Variants in PTCD2 observed in about 807,000 individuals in gnomAD.
The protein encoded by PTCD2 is pentatricopeptide repeat domain 2.
In PTCD2, 31 loss-of-function variants were observed where a neutral mutation model predicts 42.6. The ratio of observed to expected loss-of-function variants is 0.73; its 90% CI spans 0.55 to 0.98. The LOEUF (loss-of-function observed/expected upper bound fraction) is 0.98. Ranked by LOEUF, PTCD2 falls within the 50% of genes least tolerant of loss-of-function variation. The pLI is 0.00. For missense variants in PTCD2, 476 were observed against 454.8 expected (o/e 1.05, Z -0.42); for synonymous variants, 183 against 170.9 (o/e 1.07, Z -0.55).
intron 6 of PTCD2, among the ~76,000 whole-genome samples, chr5:72,336,208 T>C (rs1751731724): frequency 6.6e-6 from 1 of 152,166 alleles, no homozygotes; most frequent in African/African-American, 2.4e-5. Context: ...CCTGTTGTCC[T>C]TGTCTATGGA....
chr5:72,351,028 T>C (rs1293777373), intron 8 of PTCD2, among the ~76,000 whole-genome samples: 1 of 152,224 alleles, frequency 6.6e-6, no homozygotes, highest in Admixed American at 6.5e-5. Context: ...TTTTCTAATA[T>C]TAATGCTATG....
At chr5:72,335,928 C>A in intron 6 of PTCD2, 43 bp downstream of exon 6, 1 of 1,178,922 alleles carries the variant, frequency 8.5e-7, no homozygotes, top group Non-Finnish European at 1.3e-6. Flanking sequence ...TGTGTGTAGT[C>A]TTTGAGAGAG....
chr5:72,338,964 G>T (rs1316861583), intron 7 of PTCD2, among the ~76,000 whole-genome samples: 1 of 152,188 alleles, frequency 6.6e-6, no homozygotes, highest in East Asian at 1.9e-4. Flanking sequence ...GAAGGGTAGA[G>T]AAATTTCTCA....
At chr5:72,337,901 A>G (rs563501294) in intron 6 of PTCD2, among the ~76,000 whole-genome samples, 1 of 152,240 alleles carries the variant, frequency 6.6e-6, no homozygotes, top group South Asian at 2.1e-4. Context: ...TGAGTTGAAA[A>G]AGTGATCTGG....
chr5:72,331,913 T>G (rs1047577858), intron 4 of PTCD2, among the ~76,000 whole-genome samples: 1 of 152,256 alleles, frequency 6.6e-6, no homozygotes, highest in African/African-American at 2.4e-5. Context: ...ATGTTTCATT[T>G]TATTTGTTTC....
intron 8 of PTCD2, among the ~76,000 whole-genome samples, chr5:72,345,662 A>G (rs559600916): frequency 2.0e-5 from 3 of 152,240 alleles, no homozygotes; most frequent in African/African-American, 4.8e-5. Flanking sequence ...TTCTTCTGCC[A>G]TGGCTTCAGC....
At chr5:72,322,352 CTT>C in intron 2 of PTCD2, 88 bp downstream of exon 2, 1 of 789,648 alleles carries the variant, frequency 1.3e-6, no homozygotes, top group Non-Finnish European at 2.2e-6. Context: ...CCTTCAGTGA[CTT>C]TATTATGCCT....
intron 5 of PTCD2, among the ~76,000 whole-genome samples, 180 bp downstream of exon 5, chr5:72,335,276 C>T (rs1215555227): frequency 2.0e-5 from 3 of 151,812 alleles, no homozygotes; most frequent in Admixed American, 6.6e-5. Context: ...GGTGAAACCC[C>T]GTCTCTACTA....
At chr5:72,354,278 G>A (rs1432093147) in intron 9 of PTCD2, among the ~76,000 whole-genome samples, 1 of 144,302 alleles carries the variant, frequency 6.9e-6, no homozygotes, top group Non-Finnish European at 1.5e-5. Context: ...GTGCATGCCT[G>A]TAGTCCCAGG....
rs1347317590 is a variant in PTCD2 at position 72,366,445 on chromosome 5, T to G, written c.*8018T>G. ...GATGCTGGAGGTCATGTTTTTAACC[T>G]TATCTCTGTATTGCCTGCCCAAGTG... On this transcript the variant is annotated 3_prime_UTR_variant, in exon 10 of 10. Transcript: ENST00000380639. The G allele has an allele frequency of 1.3e-5, 2 of 152,222 alleles. No homozygotes were observed. Among genetic ancestry groups the G allele is most frequent in the Non-Finnish European group, 1.5e-5 (1 of 68,058 alleles). 9.4% of individuals were successfully genotyped at this position (152,222 alleles called of 1,614,324 possible).
intron 8 of PTCD2, among the ~76,000 whole-genome samples, chr5:72,351,433 TC>T (rs962725503): frequency 2.6e-5 from 4 of 152,162 alleles, no homozygotes; most frequent in African/African-American, 9.7e-5. Flanking sequence ...GCCTGCAACT[TC>T]CTAAAAACAG....
intron 8 of PTCD2, among the ~76,000 whole-genome samples, chr5:72,344,656 A>C (rs1387611824): frequency 6.6e-6 from 1 of 152,202 alleles, no homozygotes; most frequent in Non-Finnish European, 1.5e-5. Flanking sequence ...ATAGTCACGT[A>C]GGTTCTTTTC....
intron 3 of PTCD2, 25 bp from the exon 4 acceptor site, chr5:72,331,233 C>T: frequency 6.9e-7 from 1 of 1,452,386 alleles, no homozygotes; most frequent in South Asian, 1.1e-5. Flanking sequence ...TACCTTTTGG[C>T]TCATTGAATC....
In PTCD2 at chr5:72,366,890, T is replaced by C. The variant is rs921206808; in HGVS notation, c.*8463T>C. ...GAGAAAACATACACTCAGTTTCTTA[T>C]GAAAGAAAAAGGATGGTCATTTGTC... On this transcript the variant is annotated 3_prime_UTR_variant, in exon 10 of 10. Transcript: ENST00000380639. 2 of 152,218 alleles carry C rather than the reference T, an allele frequency of 1.3e-5. No individual in the cohort carries two copies. The highest frequency in any genetic ancestry group is 2.4e-5 in the African/African-American group (1 of 41,456). 9.4% of individuals were successfully genotyped at this position (152,218 alleles called of 1,614,324 possible).
intron 8 of PTCD2, among the ~76,000 whole-genome samples, chr5:72,349,829 C>T (rs913780581): frequency 2.6e-5 from 4 of 152,150 alleles, no homozygotes; most frequent in Non-Finnish European, 4.4e-5. Flanking sequence ...TGCCTTTTAT[C>T]GGTGACTGCC....
At chr5:72,354,382 GAAAAAAAAAA>G (rs35170727) in intron 9 of PTCD2, among the ~76,000 whole-genome samples, 2 of 29,812 alleles carry the variant, frequency 6.7e-5, no homozygotes, top group East Asian at 1.1e-3. Context: ...GACTCCATCT[GAAAAAAAAAA>G]AAAAAAAAAA....
At chr5:72,331,191 C>T in intron 3 of PTCD2, 67 bp from the exon 4 acceptor site, 1 of 996,660 alleles carries the variant, frequency 1.0e-6, no homozygotes, top group South Asian at 1.3e-5. Flanking sequence ...CAGTACCTGC[C>T]ATAGTCTGTG....
At chr5:72,355,182 A>G (rs531592227) in intron 9 of PTCD2, among the ~76,000 whole-genome samples, 1 of 152,320 alleles carries the variant, frequency 6.6e-6, no homozygotes, top group African/African-American at 2.4e-5. Flanking sequence ...TCAGTCCTAA[A>G]GGTTTTTTTG....
chr5:72,345,610 T>C (rs1353218361), intron 8 of PTCD2, among the ~76,000 whole-genome samples: 1 of 152,210 alleles, frequency 6.6e-6, no homozygotes, highest in East Asian at 1.9e-4. Context: ...ACGTATTAAT[T>C]TGGGGAACTA....
Sources: gnomAD v4.1 joint callset for allele counts (sites outside exome capture counted in the v4.1 genomes callset) on GRCh38, gnomAD v4.1.1 for gene constraint, MANE v1.5 for transcripts, NCBI Gene and HGNC (gene_info 2026-07-23, HGNC 2026-07-21) for gene names.